Variants in EPB41L4A observed in about 807,000 individuals in gnomAD.
EPB41L4A encodes band 4.1-like protein 4A.
Under a neutral mutation model 108.6 loss-of-function variants are expected in EPB41L4A, and 100 were observed. That is an observed-to-expected ratio of 0.92 (90% confidence interval 0.78 to 1.09). The LOEUF is 1.09. Ranked by LOEUF, EPB41L4A falls within the 50% of genes least tolerant of loss-of-function variation. The pLI, the probability that EPB41L4A is intolerant of heterozygous loss-of-function variation, is 0.00. For missense variants in EPB41L4A, 1,030 were observed against 842.7 expected (o/e 1.22, Z -2.75); for synonymous variants, 319 against 289.0 (o/e 1.10, Z -1.05).
chr5:112,278,638 A>G (rs369231137), intron 3 of EPB41L4A, among the ~76,000 whole-genome samples: 1 of 152,196 alleles, frequency 6.6e-6, no homozygotes, highest in East Asian at 1.9e-4. Flanking sequence ...TACCATGTAA[A>G]TAAGTAGACA....
Position 112,234,705 on chromosome 5 carries a change from C to A in EPB41L4A, c.1016G>T (p.Arg339Leu), listed in dbSNP as rs376132286. Reference sequence around the variant, plus strand: ...ACTTCTTGTCACATTCTGATCAGGCCGGGGAAGCTGAATAGAAAGATCTCG... The same window carrying A: ...ACTTCTTGTCACATTCTGATCAGGCAGGGGAAGCTGAATAGAAAGATCTCG... ...MSRDLSIQLP[R>L]PDQNVTRSRS... Residue 339 changes from arginine to leucine, a missense_variant, in exon 12 of 23, where the codon CGG becomes CTG. Arg to Leu is a moderately radical substitution (Grantham distance 102). Transcript: ENST00000261486. 6.2e-7 allele frequency: 1 copy of A among 1,613,176 alleles called. No homozygotes were observed. The highest frequency in any genetic ancestry group is 8.5e-7 in the Non-Finnish European group (1 of 1,179,502).
chr5:112,282,522 G>A (rs1178106301), intron 2 of EPB41L4A, among the ~76,000 whole-genome samples: 1 of 152,070 alleles, frequency 6.6e-6, no homozygotes, highest in African/African-American at 2.4e-5. Context: ...GTCTTTCTTT[G>A]CTTCAAATTT....
At chr5:112,292,337 T>A (rs1753701626) in intron 2 of EPB41L4A, among the ~76,000 whole-genome samples, 1 of 152,228 alleles carries the variant, frequency 6.6e-6, no homozygotes, top group Non-Finnish European at 1.5e-5. Flanking sequence ...ACTTCCTGAA[T>A]ATCCTCTATA....
At chr5:112,398,577 C>T (rs1168959670) in intron 1 of EPB41L4A, among the ~76,000 whole-genome samples, 8 of 152,020 alleles carry the variant, frequency 5.3e-5, no homozygotes, top group Non-Finnish European at 7.4e-5. Flanking sequence ...TTAGTAGAGA[C>T]GGTGTTTTGT....
rs1467849098 is a variant in EPB41L4A at position 112,367,542 on chromosome 5, A to G, written c.99+51399T>C. On this transcript the variant is annotated intron_variant, in intron 1 of 22. Transcript: ENST00000261486. The stretch of plus-strand genomic sequence containing the variant: ...TCTTGCCATCTTTATGGAATTTCCC[A>G]CTCCGCATCCCCCATCTGGCAGGGC... 2.0e-5 allele frequency among the ~76,000 whole-genome samples: 3 copies of G among 151,966 alleles called. No homozygotes were observed. In the East Asian group the frequency reaches 5.8e-4, roughly 29 times the overall value.
At chr5:112,419,697 G>A (rs1482803153), upstream of EPB41L4A, 5 of 456,570 alleles carry the variant, frequency 1.1e-5, no homozygotes, top group Non-Finnish European at 1.8e-5. Flanking sequence ...CCGCTACCCC[G>A]TCCCCCAGCC....
Position 112,418,948 on chromosome 5 carries a change from C to T in EPB41L4A, c.92G>A (p.Gly31Asp). 6.2e-7 allele frequency: 1 copy of T among 1,612,720 alleles called. No individual in the cohort carries two copies. The highest frequency in any genetic ancestry group is 8.5e-7 in the Non-Finnish European group (1 of 1,179,162). The change falls in exon 1 of 23, where the codon GGC becomes GAC. Residue 31 changes from glycine to aspartate, a missense_variant. Coordinates refer to ENST00000261486, the MANE Select transcript of EPB41L4A (RefSeq NM_022140.5). ...GCTCCGGGCCGCACCCACCTTGATG[C>T]CCTGCTGCTGGGTGGTAAGGGTTAA... ...SKLTLTTQQQ[G>D]IKKSTKGSVV... is the part of the protein sequence containing the mutation.
intron 1 of EPB41L4A, among the ~76,000 whole-genome samples, chr5:112,328,520 A>G (rs912056175): frequency 6.6e-6 from 1 of 152,226 alleles, no homozygotes; most frequent in Non-Finnish European, 1.5e-5. Flanking sequence ...AAATAATAAA[A>G]TAGATCTAAC....
Position 112,402,826 on chromosome 5 carries a change from T to C in EPB41L4A, c.99+16115A>G, listed in dbSNP as rs370456873. On this transcript the variant is annotated intron_variant, in intron 1 of 22. Coordinates refer to ENST00000261486, the MANE Select transcript of EPB41L4A (RefSeq NM_022140.5). ...CCTGTTTTCAGTACCTCAATTTTCA[T>C]ACTTCAAGAAAATGTTGTTTCAATA... 4.8e-4 allele frequency among the ~76,000 whole-genome samples: 73 copies of C among 152,318 alleles called. 1 individual carries two copies. In the South Asian group the frequency reaches 0.014, roughly 29 times the overall value.
chr5:112,299,579 T>C (rs1377468886), intron 2 of EPB41L4A, among the ~76,000 whole-genome samples: 2 of 152,130 alleles, frequency 1.3e-5, no homozygotes, highest in Admixed American at 6.5e-5. Flanking sequence ...CCAAGGCAGG[T>C]AGATCACCTG....
rs1760159821 is a variant in EPB41L4A at position 112,165,111 on chromosome 5, TTTC to T, written c.1937_1939del (p.Arg646del). The stretch of plus-strand genomic sequence containing the variant: ...TTCCATCAGGCTATCTTTAGACCCA[TTTC>T]TTCTCTAAAATATATTTGAAAAATG... On this transcript the variant is annotated inframe_deletion, in exon 23 of 23. Transcript: ENST00000261486. 5.4e-6 allele frequency: 8 copies of T among 1,471,504 alleles called. No individual in the cohort carries two copies. The highest frequency in any genetic ancestry group is 2.6e-5 in the African/African-American group (1 of 37,938). The allele number at this position is 1,471,504 out of a possible 1,614,324, so 91.2% of individuals were successfully genotyped here.
intron 1 of EPB41L4A, among the ~76,000 whole-genome samples, chr5:112,396,572 G>T (rs1269219341): frequency 2.0e-5 from 3 of 152,172 alleles, no homozygotes; most frequent in African/African-American, 7.2e-5. Context: ...CTCTTGCGAC[G>T]TTATGGTCAG....
chr5:112,249,686 AG>A (rs1227116182), intron 9 of EPB41L4A: 1 of 152,200 alleles, frequency 6.6e-6, no homozygotes. Flanking sequence ...AAAGGAAGTC[AG>A]AAGGAAATGT....
At chr5:112,149,428 C>T (rs1049704470) in intron 12 of EPB41L4A, among the ~76,000 whole-genome samples, 6 of 152,048 alleles carry the variant, frequency 3.9e-5, no homozygotes, top group African/African-American at 1.2e-4. Flanking sequence ...GCTGAGATCG[C>T]GCCACTGCAC....
intron 12 of EPB41L4A, among the ~76,000 whole-genome samples, chr5:112,150,839 C>T (rs547247781): frequency 6.4e-4 from 97 of 152,124 alleles, no homozygotes; most frequent in African/African-American, 2.2e-3. Context: ...AATCATGTAC[C>T]CAGCAAAATC....
intron 12 of EPB41L4A, among the ~76,000 whole-genome samples, chr5:112,217,024 A>G (rs1747692181): frequency 6.6e-6 from 1 of 151,768 alleles, no homozygotes; most frequent in Non-Finnish European, 1.5e-5. Context: ...CACTCACTGC[A>G]ACCACAGTCT....
intron 9 of EPB41L4A, among the ~76,000 whole-genome samples, chr5:112,254,720 C>G (rs1750946645): frequency 1.3e-5 from 2 of 152,058 alleles, no homozygotes; most frequent in African/African-American, 2.4e-5. Flanking sequence ...TCGACTGGAC[C>G]AATTCTCATG....
intron 12 of EPB41L4A, among the ~76,000 whole-genome samples, chr5:112,225,763 C>A (rs1241803656): frequency 6.6e-6 from 1 of 152,170 alleles, no homozygotes; most frequent in East Asian, 1.9e-4. Context: ...CATTTATATA[C>A]CATATCCTGG....
chr5:112,262,095 T>A (rs891091837), intron 7 of EPB41L4A, among the ~76,000 whole-genome samples: 2 of 152,142 alleles, frequency 1.3e-5, no homozygotes, highest in East Asian at 3.9e-4. Flanking sequence ...TTTCGCCATG[T>A]TGGCCAGGCT....
Sources: gnomAD v4.1 joint callset for allele counts (sites outside exome capture counted in the v4.1 genomes callset) on GRCh38, gnomAD v4.1.1 for gene constraint, MANE v1.5 for transcripts, NCBI Gene and HGNC (gene_info 2026-07-23, HGNC 2026-07-21) for gene names.